Variants in MRPS27 observed in about 807,000 individuals in gnomAD.
MRPS27 encodes mitochondrial ribosomal protein S27.
Under a neutral mutation model 48.9 loss-of-function variants are expected in MRPS27, and 43 were observed. The ratio of observed to expected loss-of-function variants is 0.88; its 90% CI spans 0.69 to 1.13. The LOEUF (loss-of-function observed/expected upper bound fraction) is 1.13, where lower values mean the gene tolerates loss of function less well. Ranked by LOEUF, MRPS27 falls within the 50% of genes most tolerant of loss-of-function variation. MRPS27 has a pLI of 0.00. For synonymous variants in MRPS27, 188 were observed against 171.9 expected, an observed-to-expected ratio of 1.09 and a Z score of -0.73; for missense variants, 467 against 476.3, an observed-to-expected ratio of 0.98 and a Z score of 0.18.
At chr5:72,319,309 G>A (rs193043467) in intron 1 of MRPS27, among the ~76,000 whole-genome samples, 29 of 152,160 alleles carry the variant, frequency 1.9e-4, no homozygotes, top group Middle Eastern at 3.4e-3. Flanking sequence ...GTAACTAATA[G>A]CATTTATTAT....
rs142651781 is a variant in MRPS27 at position 72,249,061 on chromosome 5, A to G, written c.282-10933T>C. 5.3e-5 allele frequency among the ~76,000 whole-genome samples: 8 copies of G among 152,344 alleles called. No individual in the cohort carries two copies. In the East Asian group the frequency reaches 1.2e-3, roughly 22 times the overall value. On this transcript the variant is annotated intron_variant, in intron 4 of 10. Transcript: ENST00000261413. ...TAGCAAGTAGACTGTCCACATATAC[A>G]TGGCTGCTACAATGAATGCAGCCTT...
intron 1 of MRPS27, among the ~76,000 whole-genome samples, chr5:72,316,878 A>G (rs1397404412): frequency 1.3e-5 from 2 of 151,818 alleles, no homozygotes; most frequent in Admixed American, 6.6e-5. Context: ...AAAAATACAA[A>G]ATTAGCCAGG....
At position 72,314,199 on chromosome 5, in the gene MRPS27, A is replaced by T. The variant is rs187488365; in HGVS notation, c.74-41T>A. The T allele has an allele frequency of 6.9e-4, 988 of 1,427,610 alleles. 5 individuals are homozygous for T. In the African/African-American group the frequency reaches 0.012, roughly 18 times the overall value. 88.4% of individuals were successfully genotyped at this position (1,427,610 alleles called of 1,614,324 possible). ...ATTATTTCAACACACATGGTTTTAC[A>T]AGAGGTTCATTTTATATGTTTTATT... On this transcript the variant is annotated intron_variant, in intron 1 of 10. Transcript: ENST00000261413.
At chr5:72,270,386 G>T (rs559365384) in intron 4 of MRPS27, among the ~76,000 whole-genome samples, 7 of 151,700 alleles carry the variant, frequency 4.6e-5, no homozygotes, top group Admixed American at 2.0e-4. Flanking sequence ...GTCCATGGAA[G>T]TACAAATGAC....
At chr5:72,300,131 T>A (rs1020339080) in intron 2 of MRPS27, among the ~76,000 whole-genome samples, 4 of 152,244 alleles carry the variant, frequency 2.6e-5, no homozygotes, top group African/African-American at 9.6e-5. Context: ...CTGACACCAA[T>A]AACCACTGCC....
chr5:72,226,846 A>C (rs1747913953), intron 8 of MRPS27, among the ~76,000 whole-genome samples: 1 of 152,106 alleles, frequency 6.6e-6, no homozygotes, highest in South Asian at 2.1e-4. Flanking sequence ...CAAGATGTGG[A>C]TGCTAGACAG....
intron 4 of MRPS27, chr5:72,294,905 T>C (rs1331649779): frequency 1.3e-5 from 2 of 152,152 alleles, no homozygotes; most frequent in African/African-American, 4.8e-5. Context: ...GAAATGCTCA[T>C]TGAAGCATTG....
In MRPS27 at chr5:72,276,338, G is replaced by C. The variant is rs540135944; in HGVS notation, c.281+19193C>G. On this transcript the variant is annotated intron_variant, in intron 4 of 10. Coordinates refer to ENST00000261413, the MANE Select transcript of MRPS27 (RefSeq NM_015084.3). ...GAAAAGATTCCCTATTTAATAAATGGTGCTGGGAGAACTGGCTAACCACAT... is the reference window on the plus strand; with the variant it reads ...GAAAAGATTCCCTATTTAATAAATGCTGCTGGGAGAACTGGCTAACCACAT... 5.9e-5 allele frequency among the ~76,000 whole-genome samples: 9 copies of C among 152,262 alleles called. No homozygotes were observed. In the South Asian group the frequency reaches 1.9e-3, roughly 32 times the overall value.
chr5:72,257,400 A>C (rs184632162), intron 4 of MRPS27, among the ~76,000 whole-genome samples: 4 of 152,104 alleles, frequency 2.6e-5, no homozygotes, highest in Non-Finnish European at 5.9e-5. Context: ...CTTCCTCCCT[A>C]GCTGGTAAGT....
At chr5:72,253,871 CAAG>C in intron 4 of MRPS27, among the ~76,000 whole-genome samples, 3 of 152,118 alleles carry the variant, frequency 2.0e-5, no homozygotes, top group African/African-American at 2.4e-5. Flanking sequence ...ATACTTAAAT[CAAG>C]CTTGGGAAAT....
chr5:72,220,887 G>A lies in MRPS27; in HGVS notation c.*22C>T. The A allele has an allele frequency of 6.2e-7, 1 of 1,613,454 alleles. No individual in the cohort carries two copies. Among genetic ancestry groups the A allele is most frequent in the Non-Finnish European group, 8.5e-7 (1 of 1,179,666 alleles). On this transcript the variant is annotated 3_prime_UTR_variant, in exon 11 of 11. Coordinates refer to ENST00000261413, the MANE Select transcript of MRPS27 (RefSeq NM_015084.3). ...GGTTGAGTGAAGTTCTTGTGAGACA[G>A]GTGGGGCCCTGGGGGACCCTATTAG...
At chr5:72,308,256 G>A (rs910209475) in intron 2 of MRPS27, among the ~76,000 whole-genome samples, 7 of 152,246 alleles carry the variant, frequency 4.6e-5, no homozygotes, top group Admixed American at 2.0e-4. Flanking sequence ...CACTCCGAGA[G>A]GCCAGAACCT....
intron 2 of MRPS27, among the ~76,000 whole-genome samples, chr5:72,301,736 G>C (rs1349230648): frequency 2.0e-5 from 3 of 152,270 alleles, no homozygotes; most frequent in Non-Finnish European, 4.4e-5. Context: ...AATAACATTT[G>C]CATTTTCCAA....
rs559841732 is a variant in MRPS27, at chr5:72,277,638, G to A, written c.281+17893C>T. ...AAAAGAAAAAAAAAGATACATGCACGTTTATGTTCATCGCAGCACCATTCA... is the reference window on the plus strand; with the variant it reads ...AAAAGAAAAAAAAAGATACATGCACATTTATGTTCATCGCAGCACCATTCA... On this transcript the variant is annotated intron_variant, in intron 4 of 10. Coordinates refer to ENST00000261413, the MANE Select transcript of MRPS27 (RefSeq NM_015084.3). 1.0e-3 allele frequency among the ~76,000 whole-genome samples: 157 copies of A among 152,072 alleles called. 2 individuals are homozygous for A. The highest frequency in any genetic ancestry group is 9.7e-3 in the Admixed American group (148 of 15,252).
intron 4 of MRPS27, among the ~76,000 whole-genome samples, chr5:72,263,108 C>T (rs191495460): frequency 1.6e-4 from 24 of 152,306 alleles, no homozygotes; most frequent in African/African-American, 5.5e-4. Flanking sequence ...GGAAGGCAAA[C>T]TCTGGTTTGC....
At chr5:72,305,917 TA>T (rs1750252563) in intron 2 of MRPS27, among the ~76,000 whole-genome samples, 1 of 152,210 alleles carries the variant, frequency 6.6e-6, no homozygotes, top group Non-Finnish European at 1.5e-5. Flanking sequence ...GACAATGCTT[TA>T]ACTCAGTGTT....
chr5:72,314,211 TTA>T (rs1750512957), intron 1 of MRPS27, 53 bp from the exon 2 acceptor site: 3 of 1,277,364 alleles, frequency 2.3e-6, no homozygotes, highest in Middle Eastern at 1.9e-4. Flanking sequence ...GAGGTTCATT[TTA>T]TATGTTTTAT....
chr5:72,316,184 G>A (rs1349052438), intron 1 of MRPS27, among the ~76,000 whole-genome samples: 2 of 152,232 alleles, frequency 1.3e-5, no homozygotes, highest in African/African-American at 4.8e-5. Context: ...GAGACAGAAA[G>A]TAGATTCATG....
chr5:72,261,950 C>T (rs1748991335), intron 4 of MRPS27, among the ~76,000 whole-genome samples: 1 of 152,124 alleles, frequency 6.6e-6, no homozygotes, highest in Admixed American at 6.5e-5. Context: ...AAGGGTGATG[C>T]CTGCCAAGAG....
Sources: allele counts gnomAD v4.1 joint callset (sites outside exome capture counted in the v4.1 genomes callset), GRCh38; gene constraint gnomAD v4.1.1; transcripts MANE v1.5; gene names NCBI Gene and HGNC (gene_info 2026-07-23, HGNC 2026-07-21).